GABRG3: variants seen among roughly 807,000 people sequenced by gnomAD.
GABRG3 encodes gamma-aminobutyric acid type A receptor subunit gamma3, also known as gamma-aminobutyric acid receptor subunit gamma-3.
In GABRG3, 25 loss-of-function variants were observed where a neutral mutation model predicts 48.8. The observed-to-expected ratio is 0.51, with a 90% confidence interval of 0.37 to 0.72. The LOEUF (loss-of-function observed/expected upper bound fraction) is 0.72. Among genes scored for constraint, GABRG3 ranks in the 30% least tolerant of loss-of-function variants. The pLI, the probability that GABRG3 is intolerant of heterozygous loss-of-function variation, is 0.00. For synonymous variants in GABRG3, 227 were observed against 217.6 expected (o/e 1.04, Z -0.38); for missense variants, 394 against 577.9 (o/e 0.68, Z 3.26).
At chr15:27,217,904 TG>T (rs1224186443) in intron 3 of GABRG3, among the ~76,000 whole-genome samples, 5 of 152,018 alleles carry the variant, frequency 3.3e-5, no homozygotes, top group Non-Finnish European at 7.4e-5. Flanking sequence ...TGGTTATTGA[TG>T]GGAGGAGGGT....
At chr15:27,140,102 T>G (rs1898077022) in intron 3 of GABRG3, among the ~76,000 whole-genome samples, 2 of 152,170 alleles carry the variant, frequency 1.3e-5, no homozygotes, top group Non-Finnish European at 2.9e-5. Context: ...GCAATATCCT[T>G]TATAATAAAC....
At chr15:27,458,065 C>T (rs1244061571) in intron 5 of GABRG3, among the ~76,000 whole-genome samples, 1 of 152,064 alleles carries the variant, frequency 6.6e-6, no homozygotes, top group Non-Finnish European at 1.5e-5. Context: ...TCCTCTGAGT[C>T]CCCACCTGTC....
intron 3 of GABRG3, among the ~76,000 whole-genome samples, chr15:27,263,245 T>C (rs1472714619): frequency 6.6e-6 from 1 of 152,230 alleles, no homozygotes; most frequent in African/African-American, 2.4e-5. Context: ...AATGTGGCGT[T>C]ACAGCCAGAA....
intron 3 of GABRG3, among the ~76,000 whole-genome samples, chr15:27,153,009 C>T (rs567769169): frequency 6.6e-6 from 1 of 152,150 alleles, no homozygotes; most frequent in South Asian, 2.1e-4. Context: ...CACAGGCACC[C>T]GCCACCACTC....
intron 3 of GABRG3, among the ~76,000 whole-genome samples, chr15:27,100,565 C>T (rs7171170): frequency 0.5 from 76,142 of 151,912 alleles, 19,722 homozygotes; most frequent in African/African-American, 0.64. Context: ...TGAACTTGCA[C>T]GCAAAACTCC....
In GABRG3 at chr15:27,536,982, A is replaced by G. The variant is rs1891560239; in HGVS notation, c.*4101A>G. On this transcript the variant is annotated 3_prime_UTR_variant, in exon 10 of 10. Transcript: ENST00000615808. ...GAAGAATTACACCTGGTCTCCAACCATTATTCTTATCACCGTATCGGTTCA... is the reference window on the plus strand; with the variant it reads ...GAAGAATTACACCTGGTCTCCAACCGTTATTCTTATCACCGTATCGGTTCA... 6.6e-6 allele frequency: 1 copy of G among 152,202 alleles called. No homozygotes were observed. Among genetic ancestry groups the G allele is most frequent in the Non-Finnish European group, 1.5e-5 (1 of 68,050 alleles). 9.4% of individuals were successfully genotyped at this position (152,202 alleles called of 1,614,324 possible). A position where few individuals can be genotyped will look rare whatever the true frequency, so the allele number is the denominator to read the frequency against.
chr15:27,501,087 G>C (rs946325207), intron 6 of GABRG3, among the ~76,000 whole-genome samples: 1 of 151,840 alleles, frequency 6.6e-6, no homozygotes, highest in Non-Finnish European at 1.5e-5. Context: ...GAGTAGCTGG[G>C]ACTACAGGCG....
At chr15:27,353,350 C>G (rs1894696539) in intron 5 of GABRG3, among the ~76,000 whole-genome samples, 1 of 152,160 alleles carries the variant, frequency 6.6e-6, no homozygotes, top group Admixed American at 6.5e-5. Flanking sequence ...ATGCCTGCCT[C>G]AGGACCCTGC....
At chr15:27,100,164 G>A (rs952028686) in intron 3 of GABRG3, among the ~76,000 whole-genome samples, 1 of 149,294 alleles carries the variant, frequency 6.7e-6, no homozygotes, top group African/African-American at 2.5e-5. Context: ...GTTGCAGTGA[G>A]CCAAGATCGT....
At chr15:27,365,388 A>G (rs1288626858) in intron 5 of GABRG3, 1 of 150,102 alleles carries the variant, frequency 6.7e-6, no homozygotes, top group Non-Finnish European at 1.5e-5. Context: ...CCAGTCTAGG[A>G]TAACAAACAA....
intron 5 of GABRG3, among the ~76,000 whole-genome samples, chr15:27,339,986 G>A (rs1289683356): frequency 4.6e-5 from 7 of 152,124 alleles, no homozygotes; most frequent in South Asian, 2.1e-4. Flanking sequence ...CTGGGGAGGC[G>A]AGCAGTGAGG....
chr15:27,063,649 T>C (rs1459116877), intron 3 of GABRG3, among the ~76,000 whole-genome samples: 3 of 152,238 alleles, frequency 2.0e-5, no homozygotes, highest in East Asian at 3.8e-4. Context: ...ACCTCTTTTC[T>C]TCTAAATCAC....
chr15:27,275,029 A>T (rs1344585947), intron 3 of GABRG3, among the ~76,000 whole-genome samples: 1 of 152,174 alleles, frequency 6.6e-6, no homozygotes, highest in Non-Finnish European at 1.5e-5. Flanking sequence ...GGGCAAGAGG[A>T]TAGAATTAGA....
intron 2 of GABRG3, among the ~76,000 whole-genome samples, chr15:27,016,220 T>TTTTC (rs751111167): frequency 3.1e-4 from 46 of 148,278 alleles, no homozygotes; most frequent in South Asian, 1.1e-3. Context: ...TTTCCTTCCC[T>TTTTC]TTTCTTTCTT....
intron 5 of GABRG3, among the ~76,000 whole-genome samples, chr15:27,388,263 GAGGGAGGGAGGGT>G (rs1896070583): frequency 2.2e-5 from 1 of 45,556 alleles, no homozygotes; most frequent in Non-Finnish European, 4.4e-5. Flanking sequence ...GGAAGGAAAG[GAGGGAGGGAGGGT>G]AAGGAAGGAA....
intron 5 of GABRG3, among the ~76,000 whole-genome samples, chr15:27,353,744 G>A (rs1341753297): frequency 2.6e-5 from 4 of 152,136 alleles, no homozygotes; most frequent in Non-Finnish European, 5.9e-5. Flanking sequence ...TGCCCAGCCA[G>A]TATGTGCGTA....
intron 2 of GABRG3, among the ~76,000 whole-genome samples, chr15:26,978,548 A>C (rs1217580675): frequency 6.6e-6 from 1 of 152,184 alleles, no homozygotes; most frequent in East Asian, 1.9e-4. Flanking sequence ...CCCTCCATGG[A>C]TGCCCAATTA....
chr15:27,051,355 C>T (rs996019421), intron 3 of GABRG3, among the ~76,000 whole-genome samples: 1 of 152,176 alleles, frequency 6.6e-6, no homozygotes, highest in African/African-American at 2.4e-5. Flanking sequence ...AGAAGATAAA[C>T]TATAGTGAAT....
chr15:27,022,176 A>G (rs895275587), intron 2 of GABRG3, among the ~76,000 whole-genome samples: 3 of 152,148 alleles, frequency 2.0e-5, no homozygotes, highest in African/African-American at 7.2e-5. Flanking sequence ...AAAGTAAATC[A>G]TGCTGTCATA....
Sources: gnomAD v4.1 joint callset for allele counts (sites outside exome capture counted in the v4.1 genomes callset) on GRCh38, gnomAD v4.1.1 for gene constraint, MANE v1.5 for transcripts, NCBI Gene and HGNC (gene_info 2026-07-23, HGNC 2026-07-21) for gene names.